Variants in AP3B1 observed in about 807,000 individuals in gnomAD.
The protein encoded by AP3B1 is AP-3 complex subunit beta-1.
Under a neutral mutation model 132.5 loss-of-function variants are expected in AP3B1, and 61 were observed. The ratio of observed to expected loss-of-function variants is 0.46; its 90% CI spans 0.37 to 0.57. AP3B1 has a LOEUF of 0.57. AP3B1 is among the 20% of genes least tolerant of loss of function. The pLI is 0.00. For missense variants in AP3B1, 1,120 were observed against 1,289.4 expected, an observed-to-expected ratio of 0.87 and a Z score of 2.01; for synonymous variants, 388 against 438.3, an observed-to-expected ratio of 0.89 and a Z score of 1.43.
At chr5:78,221,928 G>A (rs1746194219) in intron 6 of AP3B1, among the ~76,000 whole-genome samples, 1 of 152,144 alleles carries the variant, frequency 6.6e-6, no homozygotes, top group Admixed American at 6.5e-5. Context: ...TTCAGGGCCA[G>A]CATCTTTCTT....
In AP3B1 at chr5:78,058,039, A is replaced by T. The variant is rs540405450; in HGVS notation, c.2578-18765T>A. 2.0e-5 allele frequency among the ~76,000 whole-genome samples: 3 copies of T among 152,288 alleles called. No individual in the cohort carries two copies. The South Asian group carries it at 6.2e-4, about 32-fold the overall frequency. On this transcript the variant is annotated intron_variant, in intron 22 of 26. Coordinates refer to ENST00000255194, the MANE Select transcript of AP3B1 (RefSeq NM_003664.5). ...TTTTGCATGATTTTTGAAAAATGTA[A>T]ATTACTTTTTAGTTCTCTACTACCT...
At chr5:78,065,761 C>T (rs751040162) in intron 22 of AP3B1, among the ~76,000 whole-genome samples, 23 of 152,164 alleles carry the variant, frequency 1.5e-4, no homozygotes, top group Non-Finnish European at 2.9e-4. Flanking sequence ...TCCGGGCAGT[C>T]TGGATGAGTG....
intron 14 of AP3B1, among the ~76,000 whole-genome samples, chr5:78,151,485 T>G (rs1213206751): frequency 1.3e-5 from 2 of 152,198 alleles, no homozygotes; most frequent in African/African-American, 2.4e-5. Context: ...TGATACTAAC[T>G]GTGGGTCTGT....
At chr5:78,191,886 G>A (rs987229745) in intron 7 of AP3B1, among the ~76,000 whole-genome samples, 4 of 152,096 alleles carry the variant, frequency 2.6e-5, no homozygotes, top group Non-Finnish European at 4.4e-5. Context: ...TGCAGTATAT[G>A]TTTCGCTCTT....
intron 1 of AP3B1, among the ~76,000 whole-genome samples, chr5:78,281,290 C>T (rs373023058): frequency 6.6e-6 from 1 of 152,028 alleles, no homozygotes; most frequent in Non-Finnish European, 1.5e-5. Flanking sequence ...CAAAATTAGC[C>T]GGGCATGGTG....
chr5:78,117,812 G>C (rs1390746938), intron 17 of AP3B1, among the ~76,000 whole-genome samples: 3 of 152,074 alleles, frequency 2.0e-5, no homozygotes, highest in Non-Finnish European at 4.4e-5. Flanking sequence ...TGCTTTTATA[G>C]TCATGGCCTT....
chr5:78,159,244 A>G (rs891923771), intron 13 of AP3B1, among the ~76,000 whole-genome samples: 1 of 152,208 alleles, frequency 6.6e-6, no homozygotes, highest in African/African-American at 2.4e-5. Context: ...TGCATAATTT[A>G]ATTATCTACA....
intron 17 of AP3B1, among the ~76,000 whole-genome samples, chr5:78,118,079 T>C (rs969687232): frequency 2.0e-5 from 3 of 152,198 alleles, no homozygotes; most frequent in Non-Finnish European, 2.9e-5. Flanking sequence ...TAAACGCTAA[T>C]ATAAACAATA....
intron 1 of AP3B1, among the ~76,000 whole-genome samples, chr5:78,281,444 A>T (rs1054257503): frequency 1.3e-5 from 2 of 151,818 alleles, no homozygotes; most frequent in African/African-American, 4.8e-5. Context: ...CAAAAAAAAA[A>T]AAAAAAAAAA....
At chr5:78,058,004 C>A (rs1028208157) in intron 22 of AP3B1, among the ~76,000 whole-genome samples, 1 of 152,006 alleles carries the variant, frequency 6.6e-6, no homozygotes, top group Non-Finnish European at 1.5e-5. Context: ...TCACAGTATG[C>A]GAATCATGTT....
rs546955868 is a variant in AP3B1, at chr5:78,080,915, G to A, written c.2577+8478C>T. On this transcript the variant is annotated intron_variant, in intron 22 of 26. Transcript: ENST00000255194. Reference sequence around the variant, plus strand: ...AAACAATGGTTTCACCAAAGGTACCGTCTCTCTTTGATACACCTGTGAGCA... The same window carrying A: ...AAACAATGGTTTCACCAAAGGTACCATCTCTCTTTGATACACCTGTGAGCA... 6.6e-5 allele frequency among the ~76,000 whole-genome samples: 10 copies of A among 152,120 alleles called. No individual in the cohort carries two copies. In the South Asian group the frequency reaches 1.5e-3, roughly 22 times the overall value.
intron 16 of AP3B1, 51 bp from the exon 17 acceptor site, chr5:78,128,211 CAG>C (rs1752545600): frequency 1.4e-6 from 2 of 1,449,846 alleles, no homozygotes; most frequent in Non-Finnish European, 1.9e-6. Context: ...CTGTATATAA[CAG>C]AGAACAATCA....
intron 21 of AP3B1, among the ~76,000 whole-genome samples, chr5:78,090,238 T>C (rs1225936522): frequency 6.6e-6 from 1 of 152,204 alleles, no homozygotes; most frequent in Non-Finnish European, 1.5e-5. Context: ...AAGTGGACAC[T>C]AGCCACATAT....
chr5:78,012,896 AG>A (rs1408262538), intron 26 of AP3B1, among the ~76,000 whole-genome samples: 7 of 152,256 alleles, frequency 4.6e-5, no homozygotes, highest in African/African-American at 7.2e-5. Context: ...CAGGTATTAC[AG>A]GTATTACATT....
chr5:78,109,828 G>A, intron 20 of AP3B1, among the ~76,000 whole-genome samples: 1 of 152,022 alleles, frequency 6.6e-6, no homozygotes, highest in South Asian at 2.1e-4. Flanking sequence ...TTTAATTGAA[G>A]CCTTAAAACA....
intron 7 of AP3B1, among the ~76,000 whole-genome samples, chr5:78,183,396 T>A (rs1744450741): frequency 6.6e-6 from 1 of 152,154 alleles, no homozygotes; most frequent in South Asian, 2.1e-4. Flanking sequence ...TCACTCATCA[T>A]TCCAAGAGAA....
intron 2 of AP3B1, among the ~76,000 whole-genome samples, chr5:78,243,973 T>C (rs140194484): frequency 8.3e-4 from 127 of 152,148 alleles, no homozygotes; most frequent in Middle Eastern, 3.4e-3. Context: ...ATGTGAAAAA[T>C]AGACCAGAAG....
chr5:78,130,517 T>G (rs1426267128), intron 15 of AP3B1, among the ~76,000 whole-genome samples: 6 of 152,038 alleles, frequency 3.9e-5, no homozygotes, highest in African/African-American at 1.4e-4. Context: ...AAAATACAAG[T>G]GAAAATGTTA....
intron 6 of AP3B1, among the ~76,000 whole-genome samples, chr5:78,217,567 C>A (rs986176164): frequency 1.3e-5 from 2 of 152,050 alleles, no homozygotes; most frequent in Non-Finnish European, 2.9e-5. Flanking sequence ...TGCTTTCAAT[C>A]ACATTTTGAT....
Sources: allele counts gnomAD v4.1 joint callset (sites outside exome capture counted in the v4.1 genomes callset), GRCh38; gene constraint gnomAD v4.1.1; transcripts MANE v1.5; gene names NCBI Gene and HGNC (gene_info 2026-07-23, HGNC 2026-07-21).